STK32B: variants seen among roughly 807,000 people sequenced by gnomAD.
STK32B encodes the protein serine/threonine-protein kinase 32B.
In STK32B, 43 loss-of-function variants were observed where a neutral mutation model predicts 52.6. The ratio of observed to expected loss-of-function variants is 0.82; its 90% CI spans 0.64 to 1.05. The LOEUF is 1.05. Ranked by LOEUF, STK32B falls within the 50% of genes least tolerant of loss-of-function variation. STK32B has a pLI of 0.00. For synonymous variants in STK32B, 238 were observed against 204.3 expected, an observed-to-expected ratio of 1.17 and a Z score of -1.41; for missense variants, 621 against 534.6, an observed-to-expected ratio of 1.16 and a Z score of -1.59.
At chr4:5,287,856 C>G (rs1195962943) in intron 3 of STK32B, among the ~76,000 whole-genome samples, 1 of 152,116 alleles carries the variant, frequency 6.6e-6, no homozygotes, top group Non-Finnish European at 1.5e-5. Context: ...ATCATTACCA[C>G]TAACTTCAGA....
At chr4:5,205,603 G>C (rs1434608962) in intron 3 of STK32B, among the ~76,000 whole-genome samples, 1 of 152,138 alleles carries the variant, frequency 6.6e-6, no homozygotes, top group East Asian at 1.9e-4. Context: ...CATCTTGGTT[G>C]AGCTGTAATT....
chr4:5,251,094 G>T (rs1018198465), intron 3 of STK32B, among the ~76,000 whole-genome samples: 7 of 152,084 alleles, frequency 4.6e-5, no homozygotes, highest in African/African-American at 1.7e-4. Context: ...TGGTTTTGTT[G>T]CAATTGCTTT....
chr4:5,222,198 A>AT lies in STK32B; in HGVS notation c.260+53755dup, dbSNP rs560568397. Among the ~76,000 whole-genome samples the AT allele has an allele frequency of 2.3e-3, 347 of 152,254 alleles. 5 individuals are homozygous for AT. Among genetic ancestry groups the AT allele is most frequent in the Non-Finnish European group, 1.2e-3 (84 of 68,006 alleles). On this transcript the variant is annotated intron_variant, in intron 3 of 11. Transcript: ENST00000282908. ...GTTTCTAAACCACCAAGGCTCAGATATTTTTTTACAGCAGCACAAACAGAC... is the reference window on the plus strand; with the variant it reads ...GTTTCTAAACCACCAAGGCTCAGATATTTTTTTTACAGCAGCACAAACAGAC...
chr4:5,462,123 G>C (rs114567201), intron 9 of STK32B, among the ~76,000 whole-genome samples: 4,023 of 152,200 alleles, frequency 0.026, 181 homozygotes, highest in African/African-American at 0.091. Flanking sequence ...GTGCATCTGT[G>C]TGTGCATGCC....
At chr4:5,138,408 C>T (rs1716207625) in intron 1 of STK32B, among the ~76,000 whole-genome samples, 1 of 151,594 alleles carries the variant, frequency 6.6e-6, no homozygotes, top group Non-Finnish European at 1.5e-5. Context: ...TTGTAAATAA[C>T]ATATCTTTTC....
rs144862408 is a variant in STK32B at position 5,486,363 on chromosome 4, C to T, written c.1107-12582C>T. 7.8e-3 allele frequency among the ~76,000 whole-genome samples: 1,186 copies of T among 152,268 alleles called. 17 individuals carry two copies. Among genetic ancestry groups the T allele is most frequent in the African/African-American group, 0.027 (1,124 of 41,554 alleles). ...GCTGTGGTAGCAATGAGCGAGGCTC[C>T]GTGGGTGTAGGATCCTCCCAGCCAG... On this transcript the variant is annotated intron_variant, in intron 11 of 11. Transcript: ENST00000282908.
chr4:5,499,293 C>G lies in STK32B; in HGVS notation c.*210C>G. The G allele has an allele frequency of 1.9e-6, 1 of 533,088 alleles. No homozygotes were observed. The highest frequency in any genetic ancestry group is 2.9e-6 in the Non-Finnish European group (1 of 339,196). The allele number at this position is 533,088 out of a possible 1,614,324, so 33.0% of individuals were successfully genotyped here. A position where few individuals can be genotyped will look rare whatever the true frequency, so the allele number is the denominator to read the frequency against. On this transcript the variant is annotated 3_prime_UTR_variant, in exon 12 of 12. Coordinates refer to ENST00000282908, the MANE Select transcript of STK32B (RefSeq NM_018401.3). Reference sequence around the variant, plus strand: ...CAGACAAGTCACGCCCTCTCTGTGCCTCCGTTTTCTGCATCTGCCAAAGGG... The same window carrying G: ...CAGACAAGTCACGCCCTCTCTGTGCGTCCGTTTTCTGCATCTGCCAAAGGG...
chr4:5,259,427 C>T (rs1308270319), intron 3 of STK32B, among the ~76,000 whole-genome samples: 1 of 152,156 alleles, frequency 6.6e-6, no homozygotes, highest in Non-Finnish European at 1.5e-5. Context: ...CTCTGGTATT[C>T]GACTGCTAGA....
chr4:5,144,079 C>T (rs10012571), intron 2 of STK32B, among the ~76,000 whole-genome samples: 66,609 of 152,022 alleles, frequency 0.44, 15,495 homozygotes, highest in Non-Finnish European at 0.52. Flanking sequence ...TCTTACATAA[C>T]ACATTGGGCG....
chr4:5,466,701 A>G lies in STK32B; in HGVS notation c.910-2A>G, dbSNP rs1386742108. The G allele has an allele frequency of 3.7e-6, 6 of 1,611,854 alleles. No homozygotes were observed. The highest frequency in any genetic ancestry group is 5.1e-6 in the Non-Finnish European group (6 of 1,179,116). Reference sequence around the variant, plus strand: ...CATGTTTTCTTTTCTACTCCCCTTTAGAAAGGGAGGTTGAACTGCGATCCC... The same window carrying G: ...CATGTTTTCTTTTCTACTCCCCTTTGGAAAGGGAGGTTGAACTGCGATCCC... On this transcript the variant is annotated splice_acceptor_variant, in intron 9 of 11. Coordinates refer to ENST00000282908, the MANE Select transcript of STK32B (RefSeq NM_018401.3). LOFTEE classifies it high-confidence loss of function.
intron 1 of STK32B, among the ~76,000 whole-genome samples, chr4:5,086,845 T>A (rs1375466701): frequency 6.6e-6 from 1 of 152,238 alleles, no homozygotes. Flanking sequence ...TCTGAAAAAC[T>A]ATCTTTAAAA....
chr4:5,461,258 T>C (rs1039426847), intron 9 of STK32B, among the ~76,000 whole-genome samples: 1 of 152,160 alleles, frequency 6.6e-6, no homozygotes, highest in Non-Finnish European at 1.5e-5. Context: ...AGACAACATT[T>C]GCTCTTTGTT....
chr4:5,403,579 GTATTT>G (rs1045871125), intron 5 of STK32B, among the ~76,000 whole-genome samples: 54 of 152,112 alleles, frequency 3.6e-4, no homozygotes, highest in African/African-American at 1.3e-3. Flanking sequence ...TTAATACACT[GTATTT>G]TATAACACTC....
At chr4:5,138,586 G>A (rs1716218964) in intron 1 of STK32B, among the ~76,000 whole-genome samples, 1 of 152,172 alleles carries the variant, frequency 6.6e-6, no homozygotes. Flanking sequence ...TAAACACTGT[G>A]CTGAGTGCTA....
chr4:5,409,912 CAA>C (rs989297282), intron 5 of STK32B, among the ~76,000 whole-genome samples: 3 of 152,110 alleles, frequency 2.0e-5, no homozygotes, highest in African/African-American at 7.2e-5. Flanking sequence ...CTTTATCAGG[CAA>C]AGACATGTGC....
intron 1 of STK32B, among the ~76,000 whole-genome samples, chr4:5,104,427 G>C (rs113246695): frequency 3.3e-5 from 5 of 152,254 alleles, no homozygotes; most frequent in African/African-American, 1.2e-4. Flanking sequence ...TTTATTAGCA[G>C]CATAAGAACA....
intron 3 of STK32B, among the ~76,000 whole-genome samples, chr4:5,256,745 C>A (rs899385887): frequency 6.6e-6 from 1 of 152,212 alleles, no homozygotes; most frequent in Non-Finnish European, 1.5e-5. Flanking sequence ...ATTAGCTGAA[C>A]TTGGCTCTGG....
chr4:5,163,939 A>G (rs1343538079), intron 2 of STK32B, among the ~76,000 whole-genome samples: 1 of 152,142 alleles, frequency 6.6e-6, no homozygotes, highest in East Asian at 1.9e-4. Flanking sequence ...GCTCCTCCGC[A>G]TGGGCCACAT....
intron 2 of STK32B, among the ~76,000 whole-genome samples, chr4:5,158,243 C>G (rs1334511050): frequency 1.3e-5 from 2 of 152,140 alleles, no homozygotes; most frequent in African/African-American, 2.4e-5. Flanking sequence ...CTTTGCCCTT[C>G]TACAGAGTGT....
Sources: gnomAD v4.1 joint callset for allele counts (sites outside exome capture counted in the v4.1 genomes callset) on GRCh38, gnomAD v4.1.1 for gene constraint, MANE v1.5 for transcripts, NCBI Gene and HGNC (gene_info 2026-07-23, HGNC 2026-07-21) for gene names.